Variants in PCCA observed in about 807,000 individuals in gnomAD.
PCCA encodes propionyl-CoA carboxylase alpha chain, mitochondrial.
In PCCA, 74 loss-of-function variants were observed where a neutral mutation model predicts 101.3. The ratio of observed to expected loss-of-function variants is 0.73; its 90% CI spans 0.61 to 0.89. The LOEUF (loss-of-function observed/expected upper bound fraction) is 0.89, where lower values mean the gene tolerates loss of function less well. Among genes scored for constraint, PCCA ranks in the 40% least tolerant of loss-of-function variants. The probability of loss-of-function intolerance (pLI) is 0.00; values close to 1 mark genes in which losing one functional copy is unlikely to be tolerated. For missense variants in PCCA, 891 were observed against 907.0 expected (o/e 0.98, Z 0.23); for synonymous variants, 294 against 313.6 (o/e 0.94, Z 0.66).
chr13:100,319,902 C>T (rs557019451), intron 16 of PCCA, among the ~76,000 whole-genome samples: 4 of 152,280 alleles, frequency 2.6e-5, no homozygotes, highest in African/African-American at 9.6e-5. Context: ...GGCATTGAAT[C>T]TATAAATTAC....
At chr13:100,449,358 A>G (rs565835529) in intron 21 of PCCA, 53 bp downstream of exon 21, 1 of 1,083,724 alleles carries the variant, frequency 9.2e-7, no homozygotes, top group African/African-American at 1.6e-5. Flanking sequence ...AAAATGTTCA[A>G]CTAGTTGTAG....
At chr13:100,195,790 C>A (rs1390673565) in intron 6 of PCCA, among the ~76,000 whole-genome samples, 1 of 152,130 alleles carries the variant, frequency 6.6e-6, no homozygotes, top group Non-Finnish European at 1.5e-5. Flanking sequence ...AATGTTATTG[C>A]ATCTACATTT....
intron 19 of PCCA, among the ~76,000 whole-genome samples, chr13:100,376,533 C>T (rs977865481): frequency 6.6e-6 from 1 of 152,198 alleles, no homozygotes; most frequent in Non-Finnish European, 1.5e-5. Flanking sequence ...GCCTTTCTTT[C>T]AGAGATGCCT....
intron 6 of PCCA, among the ~76,000 whole-genome samples, chr13:100,191,822 G>A (rs1217611694): frequency 6.6e-6 from 1 of 152,094 alleles, no homozygotes; most frequent in Non-Finnish European, 1.5e-5. Flanking sequence ...GAGATTTTAC[G>A]CTTGCTGGTA....
At chr13:100,309,016 A>G (rs1344970856) in intron 15 of PCCA, among the ~76,000 whole-genome samples, 1 of 151,918 alleles carries the variant, frequency 6.6e-6, no homozygotes, top group Non-Finnish European at 1.5e-5. Context: ...TGTATATTAT[A>G]TGTAAAACTG....
chr13:100,162,687 TACTA>T (rs2054607630), intron 6 of PCCA, among the ~76,000 whole-genome samples: 1 of 152,184 alleles, frequency 6.6e-6, no homozygotes, highest in African/African-American at 2.4e-5. Flanking sequence ...TTTGCTAACT[TACTA>T]AGTAAGGTAA....
chr13:100,475,944 T>C (rs1017224603), intron 21 of PCCA, among the ~76,000 whole-genome samples: 2 of 152,220 alleles, frequency 1.3e-5, no homozygotes, highest in South Asian at 4.1e-4. Flanking sequence ...TATGTTAATT[T>C]GTTTTATTTT....
chr13:100,515,648 G>A, intron 22 of PCCA, 81 bp downstream of exon 22: 17 of 1,538,722 alleles, frequency 1.1e-5, no homozygotes, highest in South Asian at 8.9e-5. Context: ...GGCACAGCAC[G>A]ATTCGGCTCT....
At chr13:100,143,984 G>A (rs2052226889) in intron 4 of PCCA, among the ~76,000 whole-genome samples, 1 of 151,642 alleles carries the variant, frequency 6.6e-6, no homozygotes, top group Admixed American at 6.6e-5. Flanking sequence ...AGCTGGTCTG[G>A]AACTCCTGGG....
chr13:100,405,887 C>G (rs1289856076), intron 19 of PCCA, among the ~76,000 whole-genome samples: 1 of 151,524 alleles, frequency 6.6e-6, no homozygotes, highest in African/African-American at 2.4e-5. Flanking sequence ...CTGCCTCAGC[C>G]TCCCGAGTAG....
At chr13:100,115,200 A>G (rs2152286839) in intron 4 of PCCA, among the ~76,000 whole-genome samples, 1 of 152,260 alleles carries the variant, frequency 6.6e-6, no homozygotes, top group East Asian at 1.9e-4. Context: ...GTACTCACTC[A>G]TTTGTGGGAG....
chr13:100,410,366 C>T (rs960549947), intron 19 of PCCA, among the ~76,000 whole-genome samples: 1 of 152,176 alleles, frequency 6.6e-6, no homozygotes, highest in African/African-American at 2.4e-5. Context: ...CCTTAGCCCT[C>T]TGAGTAGCTG....
chr13:100,165,405 T>C (rs2054924909), intron 6 of PCCA, among the ~76,000 whole-genome samples: 1 of 152,198 alleles, frequency 6.6e-6, no homozygotes, highest in Non-Finnish European at 1.5e-5. Context: ...AGAGGTTTAA[T>C]TTGACAGTAT....
At chr13:100,434,027 G>A (rs1469367025) in intron 20 of PCCA, among the ~76,000 whole-genome samples, 1 of 152,194 alleles carries the variant, frequency 6.6e-6, no homozygotes, top group Non-Finnish European at 1.5e-5. Flanking sequence ...TAGGCTGAGA[G>A]GAACCCAGCA....
chr13:100,407,801 T>C (rs538408560), intron 19 of PCCA, among the ~76,000 whole-genome samples: 117 of 152,348 alleles, frequency 7.7e-4, no homozygotes, highest in Admixed American at 1.2e-3. Flanking sequence ...TGTAAATCTA[T>C]TTCCAGTAGT....
intron 6 of PCCA, among the ~76,000 whole-genome samples, chr13:100,177,724 A>G (rs2056369083): frequency 6.6e-6 from 1 of 152,172 alleles, no homozygotes; most frequent in African/African-American, 2.4e-5. Context: ...AAAAATCATC[A>G]CCTTCAAGTA....
intron 6 of PCCA, among the ~76,000 whole-genome samples, chr13:100,201,203 A>G (rs1034715263): frequency 6.6e-6 from 1 of 152,162 alleles, no homozygotes; most frequent in East Asian, 1.9e-4. Context: ...TTATATATAT[A>G]TCTCCTTAGC....
chr13:100,302,191 T>C (rs547973888), intron 13 of PCCA, among the ~76,000 whole-genome samples: 2 of 152,308 alleles, frequency 1.3e-5, no homozygotes, highest in South Asian at 4.1e-4. Context: ...CTAAATGCTT[T>C]TTTTCAAATG....
intron 4 of PCCA, among the ~76,000 whole-genome samples, chr13:100,126,868 T>A (rs907784574): frequency 5.9e-5 from 9 of 152,226 alleles, no homozygotes; most frequent in Non-Finnish European, 1.0e-4. Flanking sequence ...ATGTATTAAC[T>A]TAATTAAAGC....
Sources: allele counts gnomAD v4.1 joint callset (sites outside exome capture counted in the v4.1 genomes callset), GRCh38; gene constraint gnomAD v4.1.1; transcripts MANE v1.5; gene names NCBI Gene and HGNC (gene_info 2026-07-23, HGNC 2026-07-21).